The following CYLC2 variants were observed in gnomAD, a reference collection of about 807,000 sequenced individuals.
CYLC2 encodes the protein cylicin-2.
CYLC2 carries 30 observed loss-of-function variants against 26.1 expected under a neutral mutation model. The observed-to-expected ratio is 1.15, with a 90% CI of 0.86 to 1.56. The LOEUF is 1.56. Ranked by LOEUF, CYLC2 falls within the 40% of genes most tolerant of loss-of-function variation. The pLI, the probability that CYLC2 is intolerant of heterozygous loss-of-function variation, is 0.00. For missense variants in CYLC2, 498 were observed against 394.4 expected, an observed-to-expected ratio of 1.26 and a Z score of -2.23; for synonymous variants, 158 against 132.8, an observed-to-expected ratio of 1.19 and a Z score of -1.31.
intron 6 of CYLC2, among the ~76,000 whole-genome samples, chr9:103,013,245 AATATATATTTAATGTGTT>A (rs962068543): frequency 9.0e-6 from 1 of 111,464 alleles, no homozygotes; most frequent in African/African-American, 3.6e-5. Flanking sequence ...ATAACATGTA[AATATATATTTAATGTGTT>A]ATATATATTA....
At chr9:103,014,888 T>C (rs1587856482) in intron 6 of CYLC2, among the ~76,000 whole-genome samples, 3 of 136,718 alleles carry the variant, frequency 2.2e-5, no homozygotes, top group Admixed American at 7.6e-5. Context: ...ATGTATATTA[T>C]GTAATATACA....
chr9:103,013,841 A>C (rs1159017773), intron 6 of CYLC2, among the ~76,000 whole-genome samples: 1 of 112,296 alleles, frequency 8.9e-6, no homozygotes, highest in Non-Finnish European at 1.6e-5. Flanking sequence ...ATATATAATA[A>C]AGATAATACA....
chr9:103,014,270 A>G (rs1829460950), intron 6 of CYLC2, among the ~76,000 whole-genome samples: 1 of 129,766 alleles, frequency 7.7e-6, no homozygotes, highest in South Asian at 2.4e-4. Context: ...ATATTACATT[A>G]AATATATTAC....
chr9:103,013,144 ATC>A (rs1359583332), intron 6 of CYLC2, among the ~76,000 whole-genome samples: 2 of 58,784 alleles, frequency 3.4e-5, no homozygotes, highest in African/African-American at 5.6e-5. Flanking sequence ...ATATAAATAT[ATC>A]ATATATAAAT....
Position 103,013,453 on chromosome 9 carries a change from TTATC to T in CYLC2, c.*816+1360_*816+1363del, listed in dbSNP as rs1302908259. 2.0e-3 allele frequency among the ~76,000 whole-genome samples: 208 copies of T among 102,284 alleles called. 2 individuals are homozygous for T. The highest frequency in any genetic ancestry group is 8.3e-3 in the African/African-American group (199 of 23,914). 67.1% of individuals were successfully genotyped at this position (102,284 alleles called of 152,430 possible). ...ATATACATAATACAGAAATATATAT[TTATC>T]TATTATATATTATATAAATATATAT... is the stretch of plus-strand genomic sequence containing the variant. On this transcript the variant is annotated intron_variant, in intron 6 of 7. Coordinates refer to ENST00000374798, the MANE Select transcript of CYLC2 (RefSeq NM_001340.5).
intron 6 of CYLC2, among the ~76,000 whole-genome samples, chr9:103,014,967 A>T (rs1404017082): frequency 8.3e-6 from 1 of 120,122 alleles, no homozygotes; most frequent in African/African-American, 3.0e-5. Context: ...ACATATTCAT[A>T]TTATGTAGTA....
intron 1 of CYLC2, among the ~76,000 whole-genome samples, chr9:102,996,608 T>A (rs1376220179): frequency 6.6e-6 from 1 of 151,920 alleles, no homozygotes; most frequent in African/African-American, 2.4e-5. Flanking sequence ...AAGTGACAGC[T>A]CCCAATTCAT....
chr9:103,005,142 G>C lies in CYLC2; in HGVS notation c.511G>C (p.Gly171Arg). The change falls in exon 5 of 8, where the codon GGC (glycine) becomes CGC (arginine). Residue 171 changes from glycine to arginine, a missense_variant. Physicochemically the swap from Gly to Arg is moderately radical, Grantham distance 125 (BLOSUM62 -2). Transcript: ENST00000374798. ...SKKGKKDAEK[G>R]KDSATESEDE... is the part of the protein sequence containing the mutation. ...AAAAGGTAAAAAGGATGCAGAGAAG[G>C]GCAAAGACTCAGCAACAGAATCTGA... 1 of 1,606,904 alleles carries C rather than the reference G, an allele frequency of 6.2e-7. No individual in the cohort carries two copies. The highest frequency in any genetic ancestry group is 1.1e-5 in the South Asian group (1 of 90,196).
chr9:103,010,660 G>A (rs548031394), intron 5 of CYLC2: 2 of 152,124 alleles, frequency 1.3e-5, no homozygotes, highest in East Asian at 1.9e-4. Context: ...AAAATGTATA[G>A]TTATGTTAAA....
intron 1 of CYLC2, 132 bp downstream of exon 1, chr9:102,995,529 A>T: frequency 1.5e-6 from 1 of 674,012 alleles, no homozygotes; most frequent in Non-Finnish European, 2.5e-6. Flanking sequence ...GTTTAAGCAG[A>T]CAAAGATTCT....
In CYLC2 at chr9:103,004,853, T is replaced by C. The variant is rs1829323412; in HGVS notation, c.337+2T>C. ...TCGAGGTGGATTCTAAAGCAGCAGG[T>C]AGAGATAACTTACTGTTTTTATAGT... On this transcript the variant is annotated splice_donor_variant, in intron 4 of 7. Coordinates refer to ENST00000374798, the MANE Select transcript of CYLC2 (RefSeq NM_001340.5). LOFTEE classifies it high-confidence loss of function. The C allele has an allele frequency of 6.2e-7, 1 of 1,605,708 alleles. No individual in the cohort carries two copies. Among genetic ancestry groups the C allele is most frequent in the Non-Finnish European group, 8.5e-7 (1 of 1,177,926 alleles).
At position 103,005,796 on chromosome 9, in the gene CYLC2, T is replaced by A; in HGVS notation, c.*118T>A. The A allele has an allele frequency of 1.8e-6, 2 of 1,129,006 alleles. No homozygotes were observed. The highest frequency in any genetic ancestry group is 2.5e-6 in the Non-Finnish European group (2 of 791,184). The allele number at this position is 1,129,006 out of a possible 1,614,324, so 69.9% of individuals were successfully genotyped here. ...AGAGGCCTCAAAGAATTAAATAATT[T>A]TTAAAAGGTGGTAAAGAAGGATACA... On this transcript the variant is annotated 3_prime_UTR_variant, in exon 5 of 8. Coordinates refer to ENST00000374798, the MANE Select transcript of CYLC2 (RefSeq NM_001340.5).
chr9:103,017,695 G>T (rs1829521709), intron 7 of CYLC2, among the ~76,000 whole-genome samples: 1 of 152,004 alleles, frequency 6.6e-6, no homozygotes, highest in Non-Finnish European at 1.5e-5. Context: ...TGCATTAGGG[G>T]TAGACTGGTT....
chr9:102,998,736 A>G (rs1033073688), intron 1 of CYLC2, among the ~76,000 whole-genome samples: 3 of 151,970 alleles, frequency 2.0e-5, no homozygotes, highest in Middle Eastern at 3.2e-3. Context: ...AACTTTGATC[A>G]CACAAAAAAG....
chr9:102,996,438 C>G (rs1829238165), intron 1 of CYLC2, among the ~76,000 whole-genome samples: 1 of 151,774 alleles, frequency 6.6e-6, no homozygotes, highest in South Asian at 2.1e-4. Context: ...TCTTTTTGGT[C>G]TTATGGCTAT....
intron 5 of CYLC2, among the ~76,000 whole-genome samples, chr9:103,008,403 A>G (rs983145797): frequency 5.3e-5 from 8 of 152,100 alleles, no homozygotes; most frequent in African/African-American, 1.9e-4. Flanking sequence ...ATGGCTTTAC[A>G]TACCATTCTT....
intron 5 of CYLC2, among the ~76,000 whole-genome samples, chr9:103,010,321 G>T (rs1829394018): frequency 6.6e-6 from 1 of 152,022 alleles, no homozygotes; most frequent in Admixed American, 6.6e-5. Context: ...TCTCACAAAT[G>T]CTTAATCCAC....
At chr9:103,013,539 A>C (rs1287007371) in intron 6 of CYLC2, among the ~76,000 whole-genome samples, 1 of 113,000 alleles carries the variant, frequency 8.8e-6, no homozygotes, top group Non-Finnish European at 1.6e-5. Flanking sequence ...GTATATATTA[A>C]ATTATATTAA....
chr9:102,998,288 T>C (rs975554291), intron 1 of CYLC2, among the ~76,000 whole-genome samples: 14 of 152,146 alleles, frequency 9.2e-5, no homozygotes, highest in African/African-American at 3.4e-4. Flanking sequence ...GTTAAGTCAT[T>C]AAATTAGATC....
Sources: gnomAD v4.1 joint callset for allele counts (sites outside exome capture counted in the v4.1 genomes callset) on GRCh38, gnomAD v4.1.1 for gene constraint, MANE v1.5 for transcripts, NCBI Gene and HGNC (gene_info 2026-07-23, HGNC 2026-07-21) for gene names.